The following ATP6V1H variants were observed in gnomAD, a reference collection of about 807,000 sequenced individuals.
ATP6V1H encodes the protein V-type proton ATPase subunit H.
ATP6V1H carries 39 observed loss-of-function variants against 71.7 expected under a neutral mutation model. The observed-to-expected ratio is 0.54, with a 90% CI of 0.42 to 0.71. The LOEUF (loss-of-function observed/expected upper bound fraction) is 0.71, where lower values mean the gene tolerates loss of function less well. Ranked by LOEUF, ATP6V1H falls within the 30% of genes least tolerant of loss-of-function variation. ATP6V1H has a pLI of 0.00. For synonymous variants in ATP6V1H, 192 were observed against 199.3 expected (o/e 0.96, Z 0.31); for missense variants, 509 against 594.9 (o/e 0.86, Z 1.50).
intron 13 of ATP6V1H, among the ~76,000 whole-genome samples, chr8:53,719,180 AT>A (rs1261817974): frequency 6.6e-6 from 1 of 151,916 alleles, no homozygotes; most frequent in South Asian, 2.1e-4. Flanking sequence ...TTCTATTTTT[AT>A]TTTTTTAGAG....
At chr8:53,721,703 A>G (rs1396074104) in intron 13 of ATP6V1H, among the ~76,000 whole-genome samples, 1 of 152,238 alleles carries the variant, frequency 6.6e-6, no homozygotes, top group Non-Finnish European at 1.5e-5. Context: ...GTACTACCTC[A>G]TGGTACATTA....
intron 4 of ATP6V1H, among the ~76,000 whole-genome samples, chr8:53,821,614 G>T (rs1344382328): frequency 2.0e-5 from 3 of 152,184 alleles, no homozygotes; most frequent in Admixed American, 2.0e-4. Context: ...TTGAACTTGG[G>T]AGGTGGAGGT....
chr8:53,771,412 C>A (rs1808644355), intron 10 of ATP6V1H, among the ~76,000 whole-genome samples: 2 of 151,968 alleles, frequency 1.3e-5, no homozygotes, highest in Non-Finnish European at 2.9e-5. Context: ...ATGCAGAGCC[C>A]AATTTGTGGG....
Position 53,758,057 on chromosome 8 carries a change from G to A in ATP6V1H, c.1176-1401C>T, listed in dbSNP as rs149198508. Among the ~76,000 whole-genome samples, 336 of 152,232 alleles carry A rather than the reference G, an allele frequency of 2.2e-3. 2 individuals are homozygous for A. Among genetic ancestry groups the A allele is most frequent in the African/African-American group, 7.8e-3 (325 of 41,548 alleles). ...GCAGTGAAGAAACCTTTCCACTTTA[G>A]TTCTCTCTGCCTTCAAGATGAAACA... On this transcript the variant is annotated intron_variant, in intron 11 of 13. Transcript: ENST00000359530.
intron 9 of ATP6V1H, among the ~76,000 whole-genome samples, chr8:53,793,639 C>T (rs141215683): frequency 6.6e-5 from 10 of 151,812 alleles, no homozygotes; most frequent in African/African-American, 9.7e-5. Flanking sequence ...AGTAAAAACC[C>T]TGTCTCAAAA....
At chr8:53,759,413 G>A (rs2130266984) in intron 11 of ATP6V1H, among the ~76,000 whole-genome samples, 1 of 152,298 alleles carries the variant, frequency 6.6e-6, no homozygotes, top group African/African-American at 2.4e-5. Flanking sequence ...CCTCCAAGAT[G>A]TCTCTGAATA....
At chr8:53,831,993 A>ATC (rs1466427633) in intron 3 of ATP6V1H, 1 of 152,162 alleles carries the variant, frequency 6.6e-6, no homozygotes, top group Non-Finnish European at 1.5e-5. Context: ...AACAGTATAG[A>ATC]ATTAGTTTAG....
chr8:53,730,588 A>G (rs544299098), intron 13 of ATP6V1H, among the ~76,000 whole-genome samples: 2 of 152,228 alleles, frequency 1.3e-5, no homozygotes, highest in African/African-American at 2.4e-5. Context: ...AGAACATCCT[A>G]CCTCTGAGGA....
At chr8:53,734,836 GA>G (rs558016274) in intron 13 of ATP6V1H, among the ~76,000 whole-genome samples, 12 of 146,766 alleles carry the variant, frequency 8.2e-5, no homozygotes, top group African/African-American at 1.2e-4. Context: ...TTATTCTAAT[GA>G]AAAAAAAAAG....
chr8:53,808,714 T>G (rs1171547131), intron 7 of ATP6V1H, among the ~76,000 whole-genome samples: 1 of 151,328 alleles, frequency 6.6e-6, no homozygotes, highest in Non-Finnish European at 1.5e-5. Flanking sequence ...GGCTGGAGGA[T>G]CGCTTCAGCC....
At chr8:53,817,329 A>C in intron 5 of ATP6V1H, 88 bp downstream of exon 5, 1 of 853,108 alleles carries the variant, frequency 1.2e-6, no homozygotes, top group East Asian at 2.8e-5. Context: ...CTTGAGCCCT[A>C]AAGTTCAAGA....
chr8:53,808,129 T>C (rs186473194), intron 7 of ATP6V1H, among the ~76,000 whole-genome samples: 1 of 152,326 alleles, frequency 6.6e-6, no homozygotes, highest in African/African-American at 2.4e-5. Flanking sequence ...CACGGAAACA[T>C]GTGGGCTCTC....
At chr8:53,830,436 T>C (rs1810969117) in intron 3 of ATP6V1H, among the ~76,000 whole-genome samples, 1 of 152,196 alleles carries the variant, frequency 6.6e-6, no homozygotes, top group Non-Finnish European at 1.5e-5. Flanking sequence ...ATGAATCATG[T>C]CTTCCATGGA....
At chr8:53,758,751 T>C (rs1459357924) in intron 11 of ATP6V1H, among the ~76,000 whole-genome samples, 1 of 152,194 alleles carries the variant, frequency 6.6e-6, no homozygotes, top group African/African-American at 2.4e-5. Context: ...AGTCAGGAAA[T>C]AACAGCTCAA....
intron 5 of ATP6V1H, 66 bp downstream of exon 5, chr8:53,817,351 A>T: frequency 9.1e-7 from 1 of 1,100,170 alleles, no homozygotes; most frequent in Non-Finnish European, 1.3e-6. Context: ...CAGCCTGGAC[A>T]ACATAGTGAG....
chr8:53,772,963 A>T, intron 9 of ATP6V1H, among the ~76,000 whole-genome samples: 1 of 150,692 alleles, frequency 6.6e-6, no homozygotes, highest in Non-Finnish European at 1.5e-5. Context: ...AAAAACTTGA[A>T]TTTTTTTTTC....
chr8:53,779,359 A>G (rs761153795), intron 9 of ATP6V1H, among the ~76,000 whole-genome samples: 1 of 152,040 alleles, frequency 6.6e-6, no homozygotes, highest in South Asian at 2.1e-4. Context: ...AATTAAGCTT[A>G]AAAAGACCAG....
chr8:53,801,867 C>T lies in ATP6V1H; in HGVS notation c.609G>A (p.Gly203=), dbSNP rs1192722444. 1.2e-6 allele frequency: 2 copies of T among 1,613,850 alleles called. No individual in the cohort carries two copies. Among genetic ancestry groups the T allele is most frequent in the Non-Finnish European group, 1.7e-6 (2 of 1,179,968 alleles). ...DSSQYVQCVA[G]CLQLMLRVNE... is the part of the protein sequence containing the mutation. ...TGACCCGGAGCATCAGCTGCAAACACCCGGCCACGCACTGCACATACTGCG... is the reference window on the plus strand; with the variant it reads ...TGACCCGGAGCATCAGCTGCAAACATCCGGCCACGCACTGCACATACTGCG... The change falls in exon 8 of 14, where the codon GGG becomes GGA. Residue 203 remains glycine (G), a synonymous_variant. Transcript: ENST00000359530.
chr8:53,763,386 C>T (rs1808344122), intron 11 of ATP6V1H, among the ~76,000 whole-genome samples: 2 of 152,116 alleles, frequency 1.3e-5, no homozygotes, highest in African/African-American at 2.4e-5. Flanking sequence ...TAACAAAAGA[C>T]ATGCAAAACT....
Sources: allele counts gnomAD v4.1 joint callset (sites outside exome capture counted in the v4.1 genomes callset), GRCh38; gene constraint gnomAD v4.1.1; transcripts MANE v1.5; gene names NCBI Gene and HGNC (gene_info 2026-07-23, HGNC 2026-07-21).